The following SAMD8 variants were observed in gnomAD, a reference collection of about 807,000 sequenced individuals.
SAMD8 encodes sterile alpha motif domain containing 8.
Under a neutral mutation model 42.0 loss-of-function variants are expected in SAMD8, and 20 were observed. The ratio of observed to expected loss-of-function variants is 0.48; its 90% CI spans 0.34 to 0.69. The LOEUF is 0.69. Among genes scored for constraint, SAMD8 ranks in the 30% least tolerant of loss-of-function variants. The probability of loss-of-function intolerance (pLI) is 0.01; values close to 1 mark genes in which losing one functional copy is unlikely to be tolerated. For missense variants in SAMD8, 328 were observed against 511.6 expected (o/e 0.64, Z 3.46); for synonymous variants, 162 against 173.0 (o/e 0.94, Z 0.50).
intron 3 of SAMD8, among the ~76,000 whole-genome samples, chr10:75,166,525 T>A (rs141924859): frequency 6.6e-6 from 1 of 152,104 alleles, no homozygotes; most frequent in Non-Finnish European, 1.5e-5. Context: ...ACCACAGTGA[T>A]GAGCTTTAGG....
rs139502720 is a variant in SAMD8, at chr10:75,174,413, G to C, written c.793-1653G>C. On this transcript the variant is annotated intron_variant, in intron 4 of 5. Transcript: ENST00000542569. ...CAAAGTGCTGGGATTACAGGCGTGAGCCACCGTGCCTGGCCTCTTTTTTTT... is the reference window on the plus strand; with the variant it reads ...CAAAGTGCTGGGATTACAGGCGTGACCCACCGTGCCTGGCCTCTTTTTTTT... Among the ~76,000 whole-genome samples, 495 of 149,974 alleles carry C rather than the reference G, an allele frequency of 3.3e-3. 4 individuals are homozygous for C. The highest frequency in any genetic ancestry group is 4.8e-3 in the Non-Finnish European group (325 of 67,716).
chr10:75,148,345 G>GTTTTTTTTTT (rs1564686963), intron 1 of SAMD8, among the ~76,000 whole-genome samples: 3 of 104,000 alleles, frequency 2.9e-5, no homozygotes, highest in East Asian at 3.9e-4. Context: ...AGCAATACCA[G>GTTTTTTTTTT]CTTTTTTTTT....
At position 75,140,879 on chromosome 10, in the gene SAMD8, C is replaced by G. The variant is rs191470295; in HGVS notation, c.-15-9635C>G. Among the ~76,000 whole-genome samples, 179 of 152,192 alleles carry G rather than the reference C, an allele frequency of 1.2e-3. 1 individual carries two copies. Among genetic ancestry groups the G allele is most frequent in the African/African-American group, 4.2e-3 (176 of 41,530 alleles). On this transcript the variant is annotated intron_variant, in intron 1 of 5. Transcript: ENST00000542569. ...TAACAGTATTGATTCTTCTGACCTA[C>G]TCATTTCTCATTTTTAGGTGTTCGT...
At chr10:75,135,109 A>G (rs1337855227) in intron 1 of SAMD8, among the ~76,000 whole-genome samples, 1 of 152,086 alleles carries the variant, frequency 6.6e-6, no homozygotes, top group African/African-American at 2.4e-5. Context: ...AAAATTATAT[A>G]TGTGCTAAGT....
rs772199759 is a variant in SAMD8 at position 75,168,525 on chromosome 10, GGTTGATCT to G, written c.675-12_675-5del. On this transcript the variant is annotated splice_polypyrimidine_tract_variant and splice_region_variant and intron_variant, in intron 3 of 5. Transcript: ENST00000542569. ...TTTCTTCTGATCTTTCCCCCTTTTTGGTTGATCTGTTACAGGTCAATACTTCTGCGAAG... is the reference window on the plus strand; with the variant it reads ...TTTCTTCTGATCTTTCCCCCTTTTTGGTTACAGGTCAATACTTCTGCGAAG... The G allele has an allele frequency of 6.2e-7, 1 of 1,602,694 alleles. No individual in the cohort carries two copies. The highest frequency in any genetic ancestry group is 2.2e-5 in the East Asian group (1 of 44,722).
In SAMD8 at chr10:75,173,313, T is replaced by C. The variant is rs7910913; in HGVS notation, c.793-2753T>C. Reference sequence around the variant, plus strand: ...AGTTTCATTATAATAAATTAATTGCTTGAAATTGCATTCCTGGAAGTAAGG... The same window carrying C: ...AGTTTCATTATAATAAATTAATTGCCTGAAATTGCATTCCTGGAAGTAAGG... On this transcript the variant is annotated intron_variant, in intron 4 of 5. Coordinates refer to ENST00000542569, the MANE Select transcript of SAMD8 (RefSeq NM_001174156.2). 3.2e-3 allele frequency among the ~76,000 whole-genome samples: 494 copies of C among 152,336 alleles called. 1 individual carries two copies. The highest frequency in any genetic ancestry group is 8.8e-3 in the Admixed American group (135 of 15,284).
chr10:75,123,623 A>C (rs1048718646), intron 1 of SAMD8, among the ~76,000 whole-genome samples: 1 of 152,066 alleles, frequency 6.6e-6, no homozygotes, highest in Non-Finnish European at 1.5e-5. Flanking sequence ...TGGCTGGAAT[A>C]GAGTGGGTTA....
intron 4 of SAMD8, among the ~76,000 whole-genome samples, chr10:75,174,713 G>A (rs1329979436): frequency 2.0e-5 from 3 of 151,856 alleles, no homozygotes; most frequent in Admixed American, 6.6e-5. Flanking sequence ...GATTATAGGC[G>A]TGAGCCACCG....
chr10:75,118,600 C>T (rs922360116), intron 1 of SAMD8, among the ~76,000 whole-genome samples: 2 of 152,176 alleles, frequency 1.3e-5, no homozygotes, highest in African/African-American at 2.4e-5. Context: ...GCTGAGATCA[C>T]GCCGCTGCAT....
intron 1 of SAMD8, among the ~76,000 whole-genome samples, chr10:75,134,928 G>A (rs1025988357): frequency 2.4e-4 from 37 of 151,954 alleles, no homozygotes; most frequent in South Asian, 2.1e-4. Flanking sequence ...AAGCATGATG[G>A]CACATGCCTG....
chr10:75,124,108 G>A (rs1407315962), intron 1 of SAMD8, among the ~76,000 whole-genome samples: 1 of 151,942 alleles, frequency 6.6e-6, no homozygotes, highest in African/African-American at 2.4e-5. Context: ...TATCCACTTT[G>A]GGATATATAT....
chr10:75,168,853 G>T (rs1402725232), intron 4 of SAMD8, among the ~76,000 whole-genome samples, 195 bp downstream of exon 4: 1 of 152,118 alleles, frequency 6.6e-6, no homozygotes, highest in Non-Finnish European at 1.5e-5. Context: ...GTTGAAACTC[G>T]TTCTATGCTA....
intron 1 of SAMD8, among the ~76,000 whole-genome samples, chr10:75,115,953 A>AG (rs1338322574): frequency 6.6e-6 from 1 of 151,884 alleles, no homozygotes; most frequent in East Asian, 1.9e-4. Context: ...AAAAAAAAAA[A>AG]AAAAAAGACT....
rs1200471759 is a variant in SAMD8, at chr10:75,102,044, C to T, written c.-16+2316C>T. On this transcript the variant is annotated intron_variant, in intron 1 of 3. Transcript: ENST00000447533. ...TCCCCTGCCACTCCCAACTTGTCCA[C>T]TGGTTCCATGGCATGGCCAGTGCCA... The T allele has an allele frequency of 1.5e-5, 16 of 1,102,724 alleles. No homozygotes were observed. The South Asian group carries it at 1.7e-4, about 11-fold the overall frequency. 68.3% of individuals were successfully genotyped at this position (1,102,724 alleles called of 1,614,324 possible).
chr10:75,132,589 G>A (rs866077880), intron 1 of SAMD8, among the ~76,000 whole-genome samples: 2 of 152,086 alleles, frequency 1.3e-5, no homozygotes, highest in Non-Finnish European at 2.9e-5. Flanking sequence ...CCCTGAAGCC[G>A]TGAAGAATTT....
rs780262242 is a variant in SAMD8 at position 75,104,126 on chromosome 10, G to A, written c.-16+4398G>A. ...GAAGAGAGATGAGCTCTGTGTTACA[G>A]GCAGGTGAACCAAGGCCCAGGCTGG... On this transcript the variant is annotated intron_variant, in intron 1 of 3. Transcript: ENST00000447533. 6.1e-6 allele frequency: 8 copies of A among 1,314,666 alleles called. No individual in the cohort carries two copies. In the Admixed American group the frequency reaches 1.5e-4, roughly 25 times the overall value. 81.4% of individuals were successfully genotyped at this position (1,314,666 alleles called of 1,614,324 possible).
intron 3 of SAMD8, among the ~76,000 whole-genome samples, chr10:75,165,560 A>G (rs1329663758): frequency 1.3e-5 from 2 of 151,322 alleles, no homozygotes; most frequent in Non-Finnish European, 3.0e-5. Context: ...GTCCCAGCTA[A>G]CTTGGGAGGC....
chr10:75,111,514 C>T, upstream of SAMD8: 1 of 1,229,920 alleles, frequency 8.1e-7, no homozygotes, highest in Non-Finnish European at 1.0e-6. Flanking sequence ...CGGCTCCGAG[C>T]AGCTGCCGGC....
chr10:75,162,477 C>T (rs1257475356), intron 2 of SAMD8, among the ~76,000 whole-genome samples: 1 of 151,878 alleles, frequency 6.6e-6, no homozygotes, highest in Non-Finnish European at 1.5e-5. Flanking sequence ...TGGAGAAACC[C>T]CATCTCTACT....
Sources: allele counts gnomAD v4.1 joint callset (sites outside exome capture counted in the v4.1 genomes callset), GRCh38; gene constraint gnomAD v4.1.1; transcripts MANE v1.5; gene names NCBI Gene and HGNC (gene_info 2026-07-23, HGNC 2026-07-21).